Variants in COL14A1 observed in about 807,000 individuals in gnomAD.
COL14A1 encodes the protein collagen type XIV alpha 1 chain, also known as collagen alpha-1(XIV) chain.
COL14A1 carries 136 observed loss-of-function variants against 230.3 expected under a neutral mutation model. That is an observed-to-expected ratio of 0.59 (90% CI 0.51 to 0.68). The LOEUF (loss-of-function observed/expected upper bound fraction) is 0.68, where lower values mean the gene tolerates loss of function less well. Ranked by LOEUF, COL14A1 falls within the 30% of genes least tolerant of loss-of-function variation. The probability of loss-of-function intolerance (pLI) is 0.00; values close to 1 mark genes in which losing one functional copy is unlikely to be tolerated. For synonymous variants in COL14A1, 792 were observed against 784.1 expected (o/e 1.01, Z -0.17); for missense variants, 1,976 against 2,215.8 (o/e 0.89, Z 2.17).
intron 5 of COL14A1, among the ~76,000 whole-genome samples, chr8:120,194,975 C>T (rs376290460): frequency 1.3e-5 from 2 of 152,152 alleles, no homozygotes; most frequent in East Asian, 1.9e-4. Flanking sequence ...AAGTTACCAG[C>T]TGATGGCTCT....
At chr8:120,279,900 A>C (rs760738625) in intron 28 of COL14A1, 35 bp from the exon 29 acceptor site, 2 of 1,605,690 alleles carry the variant, frequency 1.2e-6, no homozygotes, top group Non-Finnish European at 1.7e-6. Context: ...TGTACAATTT[A>C]AAGTAATCGG....
intron 47 of COL14A1, 30 bp from the exon 48 acceptor site, chr8:120,371,122 C>G (rs1447597570): frequency 6.5e-7 from 1 of 1,546,260 alleles, no homozygotes; most frequent in Non-Finnish European, 8.8e-7. Context: ...CTGGGTGCAG[C>G]AAGTCCCCAC....
At chr8:120,191,426 C>G (rs1446366325) in intron 5 of COL14A1, among the ~76,000 whole-genome samples, 1 of 151,910 alleles carries the variant, frequency 6.6e-6, no homozygotes, top group Non-Finnish European at 1.5e-5. Flanking sequence ...GTTATAATTT[C>G]TGTTCTTTTA....
At chr8:120,260,743 T>A (rs1233520458) in intron 23 of COL14A1, among the ~76,000 whole-genome samples, 2 of 152,204 alleles carry the variant, frequency 1.3e-5, no homozygotes, top group African/African-American at 2.4e-5. Context: ...AGGAAAACAC[T>A]TGAAACTCTT....
At chr8:120,307,432 T>C (rs1003485338) in intron 36 of COL14A1, among the ~76,000 whole-genome samples, 7 of 152,178 alleles carry the variant, frequency 4.6e-5, no homozygotes, top group African/African-American at 1.7e-4. Context: ...AATAAAAATA[T>C]ATATAACATC....
At chr8:120,177,541 C>T (rs1272933288) in intron 5 of COL14A1, among the ~76,000 whole-genome samples, 1 of 149,986 alleles carries the variant, frequency 6.7e-6, no homozygotes, top group Non-Finnish European at 1.5e-5. Context: ...CTCAGCTACT[C>T]TGGAGGCTGA....
At chr8:120,219,402 C>G (rs185930724) in intron 14 of COL14A1, among the ~76,000 whole-genome samples, 1 of 152,314 alleles carries the variant, frequency 6.6e-6, no homozygotes, top group East Asian at 1.9e-4. Context: ...CTGTGCCCAG[C>G]TTGGGAAACT....
intron 2 of COL14A1, among the ~76,000 whole-genome samples, chr8:120,155,422 A>G (rs534744192): frequency 2.4e-4 from 36 of 152,274 alleles, no homozygotes; most frequent in East Asian, 3.9e-4. Flanking sequence ...ATCTTAGTCT[A>G]TTGACTAAGA....
At chr8:120,370,371 G>A (rs1286782912) in intron 47 of COL14A1, 1 of 1,611,784 alleles carries the variant, frequency 6.2e-7, no homozygotes, top group Admixed American at 1.7e-5. Flanking sequence ...GCACTGAAGT[G>A]GAAATCCTCC....
chr8:120,128,204 C>T (rs945762778), intron 1 of COL14A1, among the ~76,000 whole-genome samples: 8 of 140,770 alleles, frequency 5.7e-5, no homozygotes, highest in African/African-American at 1.1e-4. Context: ...GTTCCTGTGA[C>T]GTGTGTGTGT....
At position 120,307,204 on chromosome 8, in the gene COL14A1, TTG is replaced by T. The variant is rs1319795451; in HGVS notation, c.4402-2804_4402-2803del. ...CTGAGAAAACAAGTATCTGTCTTTT[TTG>T]GCCTTTATCTAGGGATGAAAGGGAA... On this transcript the variant is annotated intron_variant, in intron 36 of 47. Transcript: ENST00000297848. 3.3e-5 allele frequency among the ~76,000 whole-genome samples: 5 copies of T among 152,216 alleles called. No homozygotes were observed. The South Asian group carries it at 8.3e-4, about 25-fold the overall frequency.
Position 120,278,577 on chromosome 8 carries a change from T to C in COL14A1, c.3480T>C (p.Asp1160=), listed in dbSNP as rs1222227119. The change falls in exon 28 of 48, where the codon GAT becomes GAC. Residue 1160 remains aspartate (D), a splice_region_variant and synonymous_variant. Transcript: ENST00000297848. ...AAATCTCCAGGGAGATGCAATTAGATGGTAAGATATATAAACAATAGTGGC... is the reference window on the plus strand; with the variant it reads ...AAATCTCCAGGGAGATGCAATTAGACGGTAAGATATATAAACAATAGTGGC... ...VNKISREMQL[D]GYSIFAIGVA... 2.5e-6 allele frequency: 4 copies of C among 1,611,662 alleles called. No homozygotes were observed. Among genetic ancestry groups the C allele is most frequent in the African/African-American group, 1.3e-5 (1 of 74,834 alleles).
intron 26 of COL14A1, among the ~76,000 whole-genome samples, chr8:120,275,947 A>T (rs1819825787): frequency 6.6e-6 from 1 of 151,916 alleles, no homozygotes; most frequent in Non-Finnish European, 1.5e-5. Flanking sequence ...CTAAAAGTAG[A>T]TTTACCTTTG....
intron 5 of COL14A1, among the ~76,000 whole-genome samples, chr8:120,185,264 A>G (rs1018924752): frequency 6.6e-6 from 1 of 152,208 alleles, no homozygotes; most frequent in East Asian, 1.9e-4. Context: ...CTCCCACAGC[A>G]GTGACCATCT....
At chr8:120,222,591 A>C (rs886680321) in intron 14 of COL14A1, among the ~76,000 whole-genome samples, 1 of 152,152 alleles carries the variant, frequency 6.6e-6, no homozygotes, top group African/African-American at 2.4e-5. Context: ...GGTACAGTAC[A>C]ATGACAGCTC....
At chr8:120,166,069 G>T (rs140659131) in intron 4 of COL14A1, among the ~76,000 whole-genome samples, 1 of 152,276 alleles carries the variant, frequency 6.6e-6, no homozygotes, top group African/African-American at 2.4e-5. Flanking sequence ...CAGTCAGGTG[G>T]GCTGTGTGCA....
chr8:120,255,851 A>G (rs16893763), intron 23 of COL14A1, among the ~76,000 whole-genome samples: 4,896 of 152,002 alleles, frequency 0.032, 105 homozygotes, highest in Middle Eastern at 0.11. Flanking sequence ...ATGTATCTAC[A>G]GCATCATGAA....
chr8:120,342,019 T>C (rs1822316080), intron 43 of COL14A1, among the ~76,000 whole-genome samples: 1 of 152,254 alleles, frequency 6.6e-6, no homozygotes, highest in South Asian at 2.1e-4. Context: ...TCTGGGTTGC[T>C]ATTAGTATTA....
rs569103775 is a variant in COL14A1, at chr8:120,264,788, G to A, written c.3016+1774G>A. Among the ~76,000 whole-genome samples the A allele has an allele frequency of 3.3e-5, 5 of 152,200 alleles. No individual in the cohort carries two copies. In the South Asian group the frequency reaches 6.2e-4, roughly 19 times the overall value. On this transcript the variant is annotated intron_variant, in intron 24 of 47. Transcript: ENST00000297848. ...CTGTCTGTTTAGACAGTGCATGTGC[G>A]CTTAAGTTGGCTACCACACCTTAAT... is the stretch of plus-strand genomic sequence containing the variant.
Sources: gnomAD v4.1 joint callset for allele counts (sites outside exome capture counted in the v4.1 genomes callset) on GRCh38, gnomAD v4.1.1 for gene constraint, MANE v1.5 for transcripts, NCBI Gene and HGNC (gene_info 2026-07-23, HGNC 2026-07-21) for gene names.